The following ABHD2 variants were observed in gnomAD, a reference collection of about 807,000 sequenced individuals.
ABHD2 encodes abhydrolase domain containing 2, acylglycerol lipase.
In ABHD2, 20 loss-of-function variants were observed where a neutral mutation model predicts 48.1. The observed-to-expected ratio is 0.42, with a 90% confidence interval of 0.29 to 0.60. The LOEUF (loss-of-function observed/expected upper bound fraction) is 0.60. Ranked by LOEUF, ABHD2 falls within the 20% of genes least tolerant of loss-of-function variation. The probability of loss-of-function intolerance (pLI) is 0.24; values close to 1 mark genes in which losing one functional copy is unlikely to be tolerated. For missense variants in ABHD2, 405 were observed against 550.9 expected (o/e 0.74, Z 2.65); for synonymous variants, 209 against 214.2 (o/e 0.98, Z 0.21).
At chr15:89,063,526 TCA>T in the ABHD2 span, among the ~76,000 whole-genome samples, 1 of 151,656 alleles carries the variant, frequency 6.6e-6, no homozygotes, top group East Asian at 1.9e-4. Flanking sequence ...TCTCTCTCTC[TCA>T]CACATGCACA....
Position 89,113,805 on chromosome 15 carries a change from G to A in ABHD2, c.-26G>A, listed in dbSNP as rs1321554466. 1 of 152,160 alleles carries A rather than the reference G, an allele frequency of 6.6e-6. No homozygotes were observed. Among genetic ancestry groups the A allele is most frequent in the East Asian group, 1.9e-4 (1 of 5,202 alleles). The allele number at this position is 152,160 out of a possible 1,614,324, so 9.4% of individuals were successfully genotyped here. On this transcript the variant is annotated 5_prime_UTR_variant, in exon 2 of 11. Coordinates refer to ENST00000352732, the MANE Select transcript of ABHD2 (RefSeq NM_152924.5). ...TTCAAGGAAAATTCGTATTTGCAGTGGGAAGAATAAGTAACATTGGTATGT... is the reference window on the plus strand; with the variant it reads ...TTCAAGGAAAATTCGTATTTGCAGTAGGAAGAATAAGTAACATTGGTATGT...
At chr15:89,045,072 G>A in the ABHD2 span, among the ~76,000 whole-genome samples, 1 of 152,104 alleles carries the variant, frequency 6.6e-6, no homozygotes. Flanking sequence ...ACCTTGAATT[G>A]ATTTTTGTAT....
rs1450967393 is a variant in ABHD2 at position 89,137,821 on chromosome 15, A to G, written c.195-13856A>G. Among the ~76,000 whole-genome samples, 1 of 152,210 alleles carries G rather than the reference A, an allele frequency of 6.6e-6. No individual in the cohort carries two copies. The highest frequency in any genetic ancestry group is 1.5e-5 in the Non-Finnish European group (1 of 68,042). On this transcript the variant is annotated intron_variant, in intron 3 of 10. Transcript: ENST00000352732. This position sits in a 1 kb window ranked among gnomAD's most constrained non-coding sequence, Gnocchi z 4.8. The stretch of plus-strand genomic sequence containing the variant: ...CTGCCATTTTGAGATGAAAGGCCCA[A>G]GGTGTTTGTTCCTGAAGCTAATGAG...
chr15:89,184,967 C>G lies in ABHD2; in HGVS notation c.723-457C>G, dbSNP rs1267669187. Among the ~76,000 whole-genome samples the G allele has an allele frequency of 1.3e-5, 2 of 152,236 alleles. No individual in the cohort carries two copies. The highest frequency in any genetic ancestry group is 2.9e-5 in the Non-Finnish European group (2 of 68,046). On this transcript the variant is annotated intron_variant, in intron 6 of 10. Transcript: ENST00000352732. This position sits in a 1 kb window ranked among gnomAD's most constrained non-coding sequence, Gnocchi z 5.1. ...TAATGATTTTCCTTTACCTCTTGATCAGCAATGACAGAAGATTTTTTAGGT... is the reference window on the plus strand; with the variant it reads ...TAATGATTTTCCTTTACCTCTTGATGAGCAATGACAGAAGATTTTTTAGGT...
the ABHD2 span, among the ~76,000 whole-genome samples, chr15:89,052,705 TCA>T: frequency 3.9e-5 from 6 of 152,010 alleles, no homozygotes; most frequent in African/African-American, 1.5e-4. Flanking sequence ...GAACAGATCC[TCA>T]CAGAGCTCAC....
chr15:89,059,658 C>T, the ABHD2 span, among the ~76,000 whole-genome samples: 1,959 of 152,210 alleles, frequency 0.013, 29 homozygotes, highest in Non-Finnish European at 0.021. Context: ...GCACAGCAGT[C>T]GCAGGTGCCA....
At chr15:89,181,152 G>A (rs1207864423) in intron 6 of ABHD2, among the ~76,000 whole-genome samples, 1 of 147,504 alleles carries the variant, frequency 6.8e-6, no homozygotes, top group African/African-American at 2.5e-5. Flanking sequence ...CTTGAACCCA[G>A]AAGGCGGAGG....
rs1348957604 is a variant in ABHD2 at position 89,102,996 on chromosome 15, A to T, written c.-106-10729A>T. On this transcript the variant is annotated intron_variant, in intron 1 of 10. Coordinates refer to ENST00000352732, the MANE Select transcript of ABHD2 (RefSeq NM_152924.5). The surrounding 1 kb of genome is among the most constrained non-coding windows in gnomAD (Gnocchi z 4.8). The stretch of plus-strand genomic sequence containing the variant: ...ATAGTGGAGTGTTTGTGGTGGACGG[A>T]CGGGAGAGAGGAACACTTGAGGGCA... Among the ~76,000 whole-genome samples, 4 of 152,218 alleles carry T rather than the reference A, an allele frequency of 2.6e-5. No homozygotes were observed. The highest frequency in any genetic ancestry group is 9.6e-5 in the African/African-American group (4 of 41,462).
the ABHD2 span, among the ~76,000 whole-genome samples, chr15:89,074,986 C>A: frequency 6.6e-6 from 1 of 152,166 alleles, no homozygotes. Flanking sequence ...CCTTCACCCC[C>A]AACCCTAAAC....
In ABHD2 at chr15:89,155,837, G is replaced by A. The variant is rs1252892590; in HGVS notation, c.538+303G>A. On this transcript the variant is annotated intron_variant, in intron 5 of 10. Coordinates refer to ENST00000352732, the MANE Select transcript of ABHD2 (RefSeq NM_152924.5). The surrounding 1 kb of genome is among the most constrained non-coding windows in gnomAD (Gnocchi z 4.9). ...GCAGGGCTGGGAGCCAGGTAGATCG[G>A]GTAGCAGAGCTCATGACCTTCAGGA... 1.3e-5 allele frequency among the ~76,000 whole-genome samples: 2 copies of A among 152,118 alleles called. No individual in the cohort carries two copies. Among genetic ancestry groups the A allele is most frequent in the Admixed American group, 6.5e-5 (1 of 15,272 alleles).
At chr15:89,191,031 G>T in intron 8 of ABHD2, 49 bp from the exon 9 acceptor site, 1 of 1,588,570 alleles carries the variant, frequency 6.3e-7, no homozygotes, top group South Asian at 1.1e-5. Context: ...TGATCTTAAA[G>T]ACCAATGTTT....
the ABHD2 span, among the ~76,000 whole-genome samples, chr15:89,061,857 A>ATAT: frequency 6.6e-6 from 1 of 152,158 alleles, no homozygotes; most frequent in Non-Finnish European, 1.5e-5. Flanking sequence ...TACAGATGTG[A>ATAT]GCTACGGTGC....
intron 5 of ABHD2, among the ~76,000 whole-genome samples, chr15:89,170,180 T>A (rs1158722582): frequency 7.9e-6 from 1 of 126,802 alleles, no homozygotes; most frequent in African/African-American, 2.8e-5. Context: ...CACTGCAACC[T>A]CCCTTCCCAG....
chr15:89,185,425 G>T lies in ABHD2; in HGVS notation c.724G>T (p.Ala242Ser). The T allele has an allele frequency of 6.2e-7, 1 of 1,613,964 alleles. No homozygotes were observed. Among genetic ancestry groups the T allele is most frequent in the Non-Finnish European group, 8.5e-7 (1 of 1,179,926 alleles). Residue 242 changes from alanine to serine, a missense_variant and splice_region_variant, in exon 7 of 11, where the codon GCC (alanine) becomes TCC (serine). Coordinates refer to ENST00000352732, the MANE Select transcript of ABHD2 (RefSeq NM_152924.5). The surrounding 1 kb of genome is among the most constrained non-coding windows in gnomAD (Gnocchi z 5.9). ...CCTCACTCGCTGTGGTTCTTCCAGG[G>T]CCCAGGAAACCTTCATGCAATGGGA... ...SVCQGYSALR[A>S]QETFMQWDQC...
chr15:89,185,530 C>T lies in ABHD2; in HGVS notation c.815+14C>T, dbSNP rs370112607. On this transcript the variant is annotated intron_variant, in intron 7 of 10. Transcript: ENST00000352732. The surrounding 1 kb of genome is among the most constrained non-coding windows in gnomAD (Gnocchi z 5.9). ...CCTCTCGCACAGGTAGGTCACCTTC[C>T]GTTCTCTCTCAGGAGACAGACAGTT... The T allele has an allele frequency of 7.0e-5, 112 of 1,609,290 alleles. No homozygotes were observed. Among genetic ancestry groups the T allele is most frequent in the Non-Finnish European group, 8.8e-5 (103 of 1,175,750 alleles).
At chr15:89,140,429 T>G (rs1182117490) in intron 3 of ABHD2, among the ~76,000 whole-genome samples, 1 of 152,226 alleles carries the variant, frequency 6.6e-6, no homozygotes, top group Non-Finnish European at 1.5e-5. Context: ...CTTTGGAATT[T>G]AGGCAGGTGA....
chr15:89,157,124 A>G (rs762751821), intron 5 of ABHD2, among the ~76,000 whole-genome samples: 76 of 152,300 alleles, frequency 5.0e-4, no homozygotes, highest in Non-Finnish European at 1.9e-4. Context: ...GTTATAGTTT[A>G]TTTAACCATT....
intron 9 of ABHD2, among the ~76,000 whole-genome samples, chr15:89,191,428 G>T (rs7165639): frequency 6.6e-6 from 1 of 152,124 alleles, no homozygotes; most frequent in Non-Finnish European, 1.5e-5. Flanking sequence ...TCCTTTGACA[G>T]TATAATCCTG....
rs1174622810 is a variant in ABHD2, at chr15:89,097,119, T to C, written c.-107+8556T>C. On this transcript the variant is annotated intron_variant, in intron 1 of 10. Transcript: ENST00000352732. The surrounding 1 kb of genome is among the most constrained non-coding windows in gnomAD (Gnocchi z 4.2). ...ACTCATTCATTTATTAGCTTTTTATTCTGGGAATTTTAAAGATATACAGAA... is the reference window on the plus strand; with the variant it reads ...ACTCATTCATTTATTAGCTTTTTATCCTGGGAATTTTAAAGATATACAGAA... 2.0e-5 allele frequency among the ~76,000 whole-genome samples: 3 copies of C among 152,156 alleles called. No individual in the cohort carries two copies. The highest frequency in any genetic ancestry group is 7.2e-5 in the African/African-American group (3 of 41,426).
Sources: gnomAD v4.1 joint callset for allele counts (sites outside exome capture counted in the v4.1 genomes callset) on GRCh38, gnomAD v4.1.1 for gene constraint, Gnocchi (gnomAD v3.1) non-coding constraint, MANE v1.5 for transcripts, NCBI Gene and HGNC (gene_info 2026-07-23, HGNC 2026-07-21) for gene names.